ZNF7: variants seen among roughly 807,000 people sequenced by gnomAD.
The protein encoded by ZNF7 is zinc finger protein 7, also known as C2-H2 type zinc finger protein.
Under a neutral mutation model 12.0 loss-of-function variants are expected in ZNF7, and 10 were observed. The observed-to-expected ratio is 0.83, with a 90% CI of 0.51 to 1.42. ZNF7 has a LOEUF of 1.42. ZNF7 is among the 40% of genes most tolerant of loss of function. The pLI is 0.00. For synonymous variants in ZNF7, 334 were observed against 295.0 expected (o/e 1.13, Z -1.35); for missense variants, 854 against 837.2 (o/e 1.02, Z -0.25).
rs904179337 is a variant in ZNF7, at chr8:144,842,425, C to G, written c.1318C>G (p.Pro440Ala). 2.5e-6 allele frequency: 4 copies of G among 1,614,066 alleles called. No individual in the cohort carries two copies. The highest frequency in any genetic ancestry group is 1.7e-5 in the Admixed American group (1 of 60,014). Residue 440 changes from proline to alanine, a missense_variant, in exon 5 of 5, where the codon CCT (proline) becomes GCT (alanine). Transcript: ENST00000532777. ...QHQLIHTGEK[P>A]YKCNKCTKAF... ...TCAGCTGATTCACACTGGAGAGAAGCCTTATAAATGCAACAAGTGTACAAA... is the reference window on the plus strand; with the variant it reads ...TCAGCTGATTCACACTGGAGAGAAGGCTTATAAATGCAACAAGTGTACAAA...
Position 144,831,695 on chromosome 8 carries a change from A to G in ZNF7, c.130+2091A>G, listed in dbSNP as rs1242194503. On this transcript the variant is annotated intron_variant, in intron 3 of 4. Coordinates refer to ENST00000532777, the MANE Select transcript of ZNF7 (RefSeq NM_003416.4). ...CTACTCGGGAGGCTGAGGCACGAGA[A>G]TCGCTTGAACCCTGGAGGCGGAGCT... Among the ~76,000 whole-genome samples, 125 of 100,912 alleles carry G rather than the reference A, an allele frequency of 1.2e-3. 3 individuals are homozygous for G. The highest frequency in any genetic ancestry group is 3.4e-3 in the South Asian group (11 of 3,228). The allele number at this position is 100,912 out of a possible 152,430, so 66.2% of individuals were successfully genotyped here. A position where few individuals can be genotyped will look rare whatever the true frequency, so the allele number is the denominator to read the frequency against.
chr8:144,837,096 G>A (rs1586809830), intron 3 of ZNF7: 2 of 249,876 alleles, frequency 8.0e-6, no homozygotes, highest in East Asian at 1.4e-4. Context: ...TCTTTCCCGA[G>A]TTCCAGGGGT....
At chr8:144,833,240 T>C (rs1328898991) in intron 3 of ZNF7, among the ~76,000 whole-genome samples, 1 of 150,602 alleles carries the variant, frequency 6.6e-6, no homozygotes, top group Middle Eastern at 3.2e-3. Context: ...CCTGTTGACA[T>C]GTGGAGCCAC....
At chr8:144,845,382 CCT>C (rs1047393413), downstream of ZNF7, among the ~76,000 whole-genome samples, 2 of 151,946 alleles carry the variant, frequency 1.3e-5, no homozygotes, top group African/African-American at 2.4e-5. Flanking sequence ...TTACCTCACC[CCT>C]CAGTTTTTTT....
chr8:144,829,273 G>GA, intron 2 of ZNF7, 183 bp downstream of exon 2: 1 of 1,531,586 alleles, frequency 6.5e-7, no homozygotes. Context: ...TGAGGCTCTT[G>GA]AGGGGGGAGG....
At chr8:144,839,062 A>ACGCGCC (rs1829492275) in intron 4 of ZNF7, among the ~76,000 whole-genome samples, 1 of 88,668 alleles carries the variant, frequency 1.1e-5, no homozygotes. Context: ...TTCCATTCAT[A>ACGCGCC]TGCGCCTAGG....
At chr8:144,828,236 C>T (rs1315562470) in intron 1 of ZNF7, among the ~76,000 whole-genome samples, 1 of 152,162 alleles carries the variant, frequency 6.6e-6, no homozygotes, top group Non-Finnish European at 1.5e-5. Context: ...GGGGGAATGC[C>T]TGGGCAGGTA....
rs376385370 is a variant in ZNF7 at position 144,842,317 on chromosome 8, C to G, written c.1210C>G (p.Gln404Glu). 2.5e-6 allele frequency: 4 copies of G among 1,613,884 alleles called. No homozygotes were observed. The African/African-American group carries it at 5.3e-5, about 22-fold the overall frequency. Reference protein sequence around the residue: ...ASDSPSLVAHQRIHAVEKPFK... With the variant: ...ASDSPSLVAHERIHAVEKPFK... ...AGACAGTCCAAGCCTTGTTGCACAT[C>G]AGAGAATTCACGCTGTAGAGAAACC... The change falls in exon 5 of 5, where the codon CAG (glutamine) becomes GAG (glutamate). Residue 404 changes from glutamine to glutamate, a missense_variant. Gln to Glu is a conservative substitution (Grantham distance 29, BLOSUM62 2). Coordinates refer to ENST00000532777, the MANE Select transcript of ZNF7 (RefSeq NM_003416.4).
chr8:144,828,696 T>C (rs917542579), intron 1 of ZNF7: 19 of 292,594 alleles, frequency 6.5e-5, no homozygotes, highest in Non-Finnish European at 9.4e-5. Context: ...AGTGTGCTTA[T>C]TTGTGTGGTT....
rs1039643890 is a variant in ZNF7 at position 144,838,412 on chromosome 8, T to C, written c.247+905T>C. 12 of 451,638 alleles carry C rather than the reference T, an allele frequency of 2.7e-5. No homozygotes were observed. In the Admixed American group the frequency reaches 4.2e-4, roughly 16 times the overall value. 28.0% of individuals were successfully genotyped at this position (451,638 alleles called of 1,614,324 possible). On this transcript the variant is annotated intron_variant, in intron 4 of 4. Coordinates refer to ENST00000532777, the MANE Select transcript of ZNF7 (RefSeq NM_003416.4). ...CACTGCCTCCGGCATCAGCTCCTGC[T>C]GGGCAGGCGCCCGGCCTGGTGCTCT...
chr8:144,837,596 C>T (rs909247170), intron 4 of ZNF7, 89 bp downstream of exon 4: 33 of 982,356 alleles, frequency 3.4e-5, no homozygotes, highest in African/African-American at 1.1e-4. Context: ...GTGGGTGAGT[C>T]GCGGGGGCTA....
intron 4 of ZNF7, 96 bp from the exon 5 acceptor site, chr8:144,841,259 A>G (rs1381946080): frequency 3.1e-6 from 4 of 1,303,720 alleles, no homozygotes; most frequent in African/African-American, 3.0e-5. Context: ...CAGTGCAACT[A>G]TCCTGGGAGC....
intron 3 of ZNF7, among the ~76,000 whole-genome samples, chr8:144,833,029 C>G (rs1417135668): frequency 6.6e-6 from 1 of 151,984 alleles, no homozygotes; most frequent in African/African-American, 2.4e-5. Context: ...GAAACCTCAT[C>G]TCTACTAAAA....
At chr8:144,834,714 G>GATAT (rs148220625) in intron 3 of ZNF7, 5 of 148,082 alleles carry the variant, frequency 3.4e-5, no homozygotes, top group African/African-American at 7.4e-5. Flanking sequence ...AAGTGAAATG[G>GATAT]ATATATATAT....
chr8:144,831,619 C>T (rs1349137416), intron 3 of ZNF7, among the ~76,000 whole-genome samples: 1 of 151,344 alleles, frequency 6.6e-6, no homozygotes, highest in East Asian at 1.9e-4. Flanking sequence ...CCCGTCTCTA[C>T]TAAAAATACA....
intron 3 of ZNF7, among the ~76,000 whole-genome samples, chr8:144,831,215 A>G (rs1266140843): frequency 6.6e-6 from 1 of 152,182 alleles, no homozygotes; most frequent in Non-Finnish European, 1.5e-5. Context: ...TCCAGGCTCA[A>G]AGGTACAGCT....
Position 144,842,827 on chromosome 8 carries a change from A to C in ZNF7, c.1720A>C (p.Ile574Leu). 6.2e-7 allele frequency: 1 copy of C among 1,614,218 alleles called. No individual in the cohort carries two copies. The highest frequency in any genetic ancestry group is 1.1e-5 in the South Asian group (1 of 91,084). The part of the protein sequence containing the change: ...QNSTLFQHQI[I>L]HAGVKPYECS... ...CTCAACCCTTTTCCAACACCAGATA[A>C]TTCATGCAGGGGTGAAGCCCTATGA... Residue 574 changes from isoleucine to leucine, a missense_variant, in exon 5 of 5, where the codon ATT becomes CTT. Transcript: ENST00000532777.
intron 4 of ZNF7, chr8:144,837,935 C>G (rs370517768): frequency 9.4e-6 from 6 of 635,408 alleles, no homozygotes; most frequent in African/African-American, 9.0e-5. Context: ...GAGTGCATTA[C>G]TTTCCTGTGG....
At chr8:144,831,579 C>T (rs1488258712) in intron 3 of ZNF7, among the ~76,000 whole-genome samples, 1 of 151,912 alleles carries the variant, frequency 6.6e-6, no homozygotes, top group Admixed American at 6.6e-5. Context: ...GTCAGGAGAT[C>T]GAGACCATCC....
Sources: gnomAD v4.1 joint callset for allele counts (sites outside exome capture counted in the v4.1 genomes callset) on GRCh38, gnomAD v4.1.1 for gene constraint, MANE v1.5 for transcripts, NCBI Gene and HGNC (gene_info 2026-07-23, HGNC 2026-07-21) for gene names.